Variants in TRPV1 observed in about 807,000 individuals in gnomAD.
The protein encoded by TRPV1 is transient receptor potential cation channel subfamily V member 1.
A neutral mutation model predicts 82.3 loss-of-function variants in TRPV1; 82 were observed. That is an observed-to-expected ratio of 1.00 (90% CI 0.83 to 1.20). The LOEUF is 1.20. Among genes scored for constraint, TRPV1 ranks in the 50% most tolerant of loss-of-function variants. TRPV1 has a pLI of 0.00. For synonymous variants in TRPV1, 515 were observed against 467.7 expected, an observed-to-expected ratio of 1.10 and a Z score of -1.30; for missense variants, 1,067 against 1,096.8, an observed-to-expected ratio of 0.97 and a Z score of 0.38.
chr17:3,605,950 T>TATTG lies in TRPV1; in HGVS notation c.-34+2476_-34+2477insCAAT, dbSNP rs2075293811. ...GTGGCTTCAAACATCAAAGGTTTAT[T>TATTG]ATTTATTTATTTATTTATTTATTTT... is the stretch of plus-strand genomic sequence containing the variant. On this transcript the variant is annotated intron_variant, in intron 2 of 16. Coordinates refer to ENST00000572705, the MANE Select transcript of TRPV1 (RefSeq NM_080704.4). Among the ~76,000 whole-genome samples the TATTG allele has an allele frequency of 2.7e-5, 4 of 150,166 alleles. No homozygotes were observed. In the South Asian group the frequency reaches 6.5e-4, roughly 24 times the overall value.
chr17:3,570,173 A>G (rs8079973), intron 16 of TRPV1, among the ~76,000 whole-genome samples: 30,078 of 151,996 alleles, frequency 0.2, 3,454 homozygotes, highest in East Asian at 0.56. Flanking sequence ...CAGGAGACCA[A>G]CCTGGCCAAC....
At chr17:3,597,711 T>C (rs62069909) in intron 2 of TRPV1, among the ~76,000 whole-genome samples, 30,788 of 147,024 alleles carry the variant, frequency 0.21, 3,693 homozygotes, top group South Asian at 0.28. Flanking sequence ...TCTTACTCTG[T>C]CGTCCAGGCT....
In TRPV1 at chr17:3,590,250, A is replaced by G; in HGVS notation, c.745+2T>C. 1 of 1,613,744 alleles carries G rather than the reference A, an allele frequency of 6.2e-7. No individual in the cohort carries two copies. The highest frequency in any genetic ancestry group is 8.5e-7 in the Non-Finnish European group (1 of 1,179,768). On this transcript the variant is annotated splice_donor_variant, in intron 6 of 16. Coordinates refer to ENST00000572705, the MANE Select transcript of TRPV1 (RefSeq NM_080704.4). LOFTEE classifies it high-confidence loss of function. ...TCAGGGTCTGCCACACTGTCTCCCT[A>G]CCGAAGTAGAATCCAGGCCGCCCTT...
chr17:3,576,666 A>AAAAAAAAAAAAAAAAATATATAT (rs2074932932), intron 13 of TRPV1, among the ~76,000 whole-genome samples: 1 of 37,892 alleles, frequency 2.6e-5, no homozygotes, highest in Non-Finnish European at 6.9e-5. Context: ...AAAAAAAAAA[A>AAAAAAAAAAAAAAAAATATATAT]AAATATATAT....
In TRPV1 at chr17:3,590,839, A is replaced by G. The variant is rs1409718893; in HGVS notation, c.604+125T>C. The stretch of plus-strand genomic sequence containing the variant: ...CAGGGACCCCCTAGGATTAGGAGCC[A>G]CCAACGCAGTGGCTGGGACAGGGAG... On this transcript the variant is annotated intron_variant, in intron 5 of 16. Coordinates refer to ENST00000572705, the MANE Select transcript of TRPV1 (RefSeq NM_080704.4). The G allele has an allele frequency of 6.0e-6, 8 of 1,339,990 alleles. No homozygotes were observed. In the African/African-American group the frequency reaches 7.4e-5, roughly 12 times the overall value. The allele number at this position is 1,339,990 out of a possible 1,614,324, so 83.0% of individuals were successfully genotyped here. A position where few individuals can be genotyped will look rare whatever the true frequency, so the allele number is the denominator to read the frequency against.
At chr17:3,596,435 G>A (rs1356246099) in intron 2 of TRPV1, among the ~76,000 whole-genome samples, 1 of 152,218 alleles carries the variant, frequency 6.6e-6, no homozygotes. Flanking sequence ...AAGGGAGGCA[G>A]TAGGCTGCGG....
intron 2 of TRPV1, among the ~76,000 whole-genome samples, chr17:3,604,031 A>G (rs2075281536): frequency 6.6e-6 from 1 of 152,238 alleles, no homozygotes; most frequent in African/African-American, 2.4e-5. Flanking sequence ...GGCACAGGCC[A>G]GGGGCTCTGG....
chr17:3,580,467 C>CA lies in TRPV1; in HGVS notation c.1536dup (p.Glu513Ter), dbSNP rs760585399. The CA allele has an allele frequency of 6.2e-7, 1 of 1,614,076 alleles. No individual in the cohort carries two copies. Among genetic ancestry groups the CA allele is most frequent in the Non-Finnish European group, 8.5e-7 (1 of 1,179,912 alleles). ...CAAAGTGTCACTTACAAAAGCATCT[C>CA]ACTGTAGCTGTCCACAAACAGGGTC... is the stretch of plus-strand genomic sequence containing the variant. On this transcript the variant is annotated frameshift_variant, in exon 11 of 17. Transcript: ENST00000572705. LOFTEE classifies it high-confidence loss of function.
chr17:3,591,860 G>A (rs751357346), intron 3 of TRPV1, among the ~76,000 whole-genome samples: 2 of 152,198 alleles, frequency 1.3e-5, no homozygotes, highest in South Asian at 2.1e-4. Flanking sequence ...CATTGCGGGC[G>A]TGGACACCTA....
intron 2 of TRPV1, among the ~76,000 whole-genome samples, chr17:3,598,205 G>A (rs2075235576): frequency 6.6e-6 from 1 of 152,218 alleles, no homozygotes; most frequent in Admixed American, 6.5e-5. Flanking sequence ...ACGCCAACAA[G>A]CCGTAGGGCA....
intron 2 of TRPV1, among the ~76,000 whole-genome samples, chr17:3,598,283 G>T (rs2075236307): frequency 6.6e-6 from 1 of 152,202 alleles, no homozygotes; most frequent in African/African-American, 2.4e-5. Context: ...TCGCTTGAAA[G>T]CTCTGACCCC....
rs775801656 is a variant in TRPV1, at chr17:3,589,054, G to C, written c.1045-687C>G. On this transcript the variant is annotated intron_variant, in intron 7 of 16. Transcript: ENST00000572705. Reference sequence around the variant, plus strand: ...TAATCCCAGCTACTTGGGAGGCTGAGGTGGAAGGATCACTTGAGGCCAAGA... The same window carrying C: ...TAATCCCAGCTACTTGGGAGGCTGACGTGGAAGGATCACTTGAGGCCAAGA... The C allele has an allele frequency of 1.1e-3, 1,462 of 1,275,572 alleles. 3 individuals carry two copies. Among genetic ancestry groups the C allele is most frequent in the Admixed American group, 1.4e-3 (72 of 50,556 alleles). The allele number at this position is 1,275,572 out of a possible 1,614,324, so 79.0% of individuals were successfully genotyped here. A position where few individuals can be genotyped will look rare whatever the true frequency, so the allele number is the denominator to read the frequency against.
Position 3,571,633 on chromosome 17 carries a change from G to A in TRPV1, c.2238C>T (p.Asp746=), listed in dbSNP as rs56315286. 0.014 allele frequency: 22,086 copies of A among 1,608,354 alleles called. 207 individuals carry two copies. Among genetic ancestry groups the A allele is most frequent in the Non-Finnish European group, 0.015 (17,625 of 1,177,292 alleles). The change falls in exon 16 of 17, where the codon GAC becomes GAT. Residue 746 remains aspartate (D), a synonymous_variant. Transcript: ENST00000572705. The stretch of plus-strand genomic sequence containing the variant: ...TGTTCCAGGTGGTCCAGTTCACCTC[G>A]TCCACCCTGCAGGGTAAGGGGTCGG... The part of the protein sequence containing the change: ...KDDYRWCFRV[D]EVNWTTWNTN...
intron 2 of TRPV1, among the ~76,000 whole-genome samples, chr17:3,596,295 GCATCCATCCATC>G (rs113591328): frequency 2.6e-5 from 4 of 151,694 alleles, no homozygotes; most frequent in Non-Finnish European, 5.9e-5. Context: ...TCTGCCCAAA[GCATCCATCCATC>G]CATCCATCCA....
intron 2 of TRPV1, among the ~76,000 whole-genome samples, chr17:3,600,233 T>A (rs161381): frequency 1.3e-5 from 2 of 152,060 alleles, no homozygotes; most frequent in Non-Finnish European, 2.9e-5. Context: ...GGAAAGGGGA[T>A]GGTCATGCTT....
At chr17:3,600,813 G>A (rs986567335) in intron 2 of TRPV1, among the ~76,000 whole-genome samples, 1 of 152,010 alleles carries the variant, frequency 6.6e-6, no homozygotes, top group Non-Finnish European at 1.5e-5. Flanking sequence ...TCCTCTTCTT[G>A]CCGTTCCCCA....
Position 3,572,116 on chromosome 17 carries a change from C to T in TRPV1, c.2231+6G>A, listed in dbSNP as rs1567657927. ...AGCCCTGATTCAGGTGGAGCCTGGG[C>T]ATTACCTGAAGCACCACCGGTAGTC... On this transcript the variant is annotated splice_donor_region_variant and intron_variant, in intron 15 of 16. Transcript: ENST00000572705. 6.2e-7 allele frequency: 1 copy of T among 1,612,560 alleles called. No homozygotes were observed.
In TRPV1 at chr17:3,572,217, G is replaced by T. The variant is rs201635805; in HGVS notation, c.2136C>A (p.Ser712Arg). 2.1e-5 allele frequency: 34 copies of T among 1,611,090 alleles called. No individual in the cohort carries two copies. Among genetic ancestry groups the T allele is most frequent in the Non-Finnish European group, 2.8e-5 (33 of 1,178,688 alleles). Reference protein sequence around the residue: ...RAITILDTEKSFLKCMRKAFR... With the variant: ...RAITILDTEKRFLKCMRKAFR... ...AGGCCTTCCTCATGCACTTAAGGAAGCTCTTCTCCGTGTCCAGGATGGTGA... is the reference window on the plus strand; with the variant it reads ...AGGCCTTCCTCATGCACTTAAGGAATCTCTTCTCCGTGTCCAGGATGGTGA... The change falls in exon 15 of 17, where the codon AGC becomes AGA. Residue 712 changes from serine (S) to arginine (R), a missense_variant. Transcript: ENST00000572705.
chr17:3,606,149 C>T (rs546278121), intron 2 of TRPV1, among the ~76,000 whole-genome samples: 20 of 152,028 alleles, frequency 1.3e-4, no homozygotes, highest in Non-Finnish European at 2.1e-4. Context: ...TTAGTAGAGA[C>T]GGGGTTTCAC....
Sources: allele counts gnomAD v4.1 joint callset (sites outside exome capture counted in the v4.1 genomes callset), GRCh38; gene constraint gnomAD v4.1.1; transcripts MANE v1.5; gene names NCBI Gene and HGNC (gene_info 2026-07-23, HGNC 2026-07-21).